Variants in CNST observed in about 807,000 individuals in gnomAD.
CNST encodes consortin, connexin sorting protein.
In CNST, 39 loss-of-function variants were observed where a neutral mutation model predicts 72.4. The ratio of observed to expected loss-of-function variants is 0.54; its 90% CI spans 0.42 to 0.70. CNST has a LOEUF of 0.70. Ranked by LOEUF, CNST falls within the 30% of genes least tolerant of loss-of-function variation. CNST has a pLI of 0.00. For missense variants in CNST, 871 were observed against 868.5 expected (o/e 1.00, Z -0.04); for synonymous variants, 332 against 320.1 (o/e 1.04, Z -0.40).
At chr1:246,568,947 T>C (rs140725601) in intron 1 of CNST, among the ~76,000 whole-genome samples, 121 of 152,310 alleles carry the variant, frequency 7.9e-4, no homozygotes, top group African/African-American at 2.6e-3. Flanking sequence ...TTGCCCAGGC[T>C]GGTCTCAAAT....
At chr1:246,589,389 T>G (rs1342787254) in intron 1 of CNST, among the ~76,000 whole-genome samples, 1 of 151,886 alleles carries the variant, frequency 6.6e-6, no homozygotes. Context: ...CTTGTGATAG[T>G]TTGCTGAGAA....
chr1:246,661,982 C>A (rs1285174909), intron 10 of CNST, among the ~76,000 whole-genome samples: 1 of 152,152 alleles, frequency 6.6e-6, no homozygotes, highest in East Asian at 1.9e-4. Flanking sequence ...ATAGGAGGAA[C>A]CCCGGATTTG....
chr1:246,662,300 G>A (rs2103171408), intron 10 of CNST, among the ~76,000 whole-genome samples: 1 of 152,264 alleles, frequency 6.6e-6, no homozygotes, highest in Admixed American at 6.5e-5. Flanking sequence ...CTATCCCCTG[G>A]AAATTAATGT....
At chr1:246,570,897 C>T (rs77096016) in intron 1 of CNST, among the ~76,000 whole-genome samples, 1,612 of 152,222 alleles carry the variant, frequency 0.011, 15 homozygotes, top group Non-Finnish European at 0.019. Context: ...GCATTATATG[C>T]TTAATGAGAA....
At position 246,647,830 on chromosome 1, in the gene CNST, A is replaced by G. The variant is rs143967085; in HGVS notation, c.1629A>G (p.Glu543=). 9.3e-6 allele frequency: 15 copies of G among 1,614,084 alleles called. No individual in the cohort carries two copies. The highest frequency in any genetic ancestry group is 9.3e-6 in the Non-Finnish European group (11 of 1,180,044). The change falls in exon 9 of 11, where the codon GAA becomes GAG. Residue 543 remains glutamate, a synonymous_variant. Coordinates refer to ENST00000366513, the MANE Select transcript of CNST (RefSeq NM_152609.3). ...KGDKDDQLNK[E]TEDYLNSLLE... ...ATAAAGACGACCAACTCAACAAAGAAACAGAAGACTATTTGAACAGCCTTT... is the reference window on the plus strand; with the variant it reads ...ATAAAGACGACCAACTCAACAAAGAGACAGAAGACTATTTGAACAGCCTTT...
At chr1:246,612,657 C>T (rs1236078005) in intron 2 of CNST, among the ~76,000 whole-genome samples, 5 of 152,120 alleles carry the variant, frequency 3.3e-5, no homozygotes, top group South Asian at 2.1e-4. Flanking sequence ...GAGGCCAAGG[C>T]GGGCAGATTG....
At chr1:246,615,330 C>T (rs1421441790) in intron 2 of CNST, among the ~76,000 whole-genome samples, 37 of 152,058 alleles carry the variant, frequency 2.4e-4, no homozygotes, top group Admixed American at 2.4e-3. Context: ...CGCGTGCCAC[C>T]AGGCCCGGCT....
chr1:246,582,763 C>T lies in CNST; in HGVS notation c.-51-8749C>T, dbSNP rs144397776. ...CCTTTTTATTTGGTCCTGTTTATTTCTTCTCTTGAGATTACCTCTCCATGC... is the reference window on the plus strand; with the variant it reads ...CCTTTTTATTTGGTCCTGTTTATTTTTTCTCTTGAGATTACCTCTCCATGC... On this transcript the variant is annotated intron_variant, in intron 1 of 10. Transcript: ENST00000366513. Among the ~76,000 whole-genome samples the T allele has an allele frequency of 3.3e-4, 51 of 152,294 alleles. No individual in the cohort carries two copies. The East Asian group carries it at 9.6e-3, about 29-fold the overall frequency.
intron 2 of CNST, among the ~76,000 whole-genome samples, chr1:246,612,604 A>G (rs1196934524): frequency 1.3e-5 from 2 of 152,190 alleles, no homozygotes; most frequent in African/African-American, 4.8e-5. Flanking sequence ...AAATCATAAC[A>G]GGTCAGGCGC....
intron 4 of CNST, chr1:246,632,600 G>A (rs1193477312): frequency 1.9e-5 from 3 of 160,780 alleles, no homozygotes; most frequent in African/African-American, 7.2e-5. Flanking sequence ...TGAACAGTGA[G>A]TTTTTCTCTT....
rs181568655 is a variant in CNST, at chr1:246,592,253, G to A, written c.379+312G>A. Among the ~76,000 whole-genome samples, 31 of 152,300 alleles carry A rather than the reference G, an allele frequency of 2.0e-4. No individual in the cohort carries two copies. The East Asian group carries it at 5.2e-3, about 26-fold the overall frequency. On this transcript the variant is annotated intron_variant, in intron 2 of 10. Transcript: ENST00000366513. ...CCTGTAATTAGCACTTTGGGAGGCCGAGGTGGGCGGATTACCTGAGGTCGG... is the reference window on the plus strand; with the variant it reads ...CCTGTAATTAGCACTTTGGGAGGCCAAGGTGGGCGGATTACCTGAGGTCGG...
Position 246,647,871 on chromosome 1 carries a change from A to G in CNST, c.1670A>G (p.Lys557Arg). ...AACAGCCTTTTAGAAGGATGTTTAA[A>G]AGATACTGAAGATTCCCTTTCCTAT... ...YLNSLLEGCL[K>R]DTEDSLSYED... The change falls in exon 9 of 11, where the codon AAA becomes AGA. Residue 557 changes from lysine (K) to arginine (R), a missense_variant. Transcript: ENST00000366513. 1 of 1,614,168 alleles carries G rather than the reference A, an allele frequency of 6.2e-7. No individual in the cohort carries two copies. Among genetic ancestry groups the G allele is most frequent in the Non-Finnish European group, 8.5e-7 (1 of 1,180,044 alleles).
intron 3 of CNST, among the ~76,000 whole-genome samples, chr1:246,624,658 A>C (rs983362616): frequency 6.6e-6 from 1 of 152,198 alleles, no homozygotes; most frequent in Non-Finnish European, 1.5e-5. Context: ...CCCAAGGGAC[A>C]CACAAATCAG....
Position 246,621,513 on chromosome 1 carries a change from C to T in CNST, c.464C>T (p.Ala155Val), listed in dbSNP as rs1664090645. 3 of 1,614,012 alleles carry T rather than the reference C, an allele frequency of 1.9e-6. No homozygotes were observed. Among genetic ancestry groups the T allele is most frequent in the South Asian group, 2.2e-5 (2 of 91,086 alleles). The change falls in exon 3 of 11, where the codon GCT (alanine) becomes GTT (valine). Residue 155 changes from alanine (A) to valine (V), a missense_variant. By Grantham distance (64) the Ala-to-Val change is moderately conservative. Transcript: ENST00000366513. ...TATGCTGTTGATGATGAAGAAGCTG[C>T]TGAAGTAAATGCTAATGAGCAGCCA... Reference protein sequence around the residue: ...VTYAVDDEEAAEVNANEQPEA... With the variant: ...VTYAVDDEEAVEVNANEQPEA...
intron 2 of CNST, among the ~76,000 whole-genome samples, chr1:246,597,875 G>C (rs929033999): frequency 6.6e-6 from 1 of 152,296 alleles, no homozygotes; most frequent in Admixed American, 6.5e-5. Flanking sequence ...ATTGTCCTTA[G>C]AATGAATGAC....
chr1:246,617,065 C>T (rs957064496), intron 2 of CNST, among the ~76,000 whole-genome samples: 1 of 152,114 alleles, frequency 6.6e-6, no homozygotes, highest in African/African-American at 2.4e-5. Context: ...CCTGATTATG[C>T]TAATGTTTAT....
At chr1:246,569,400 C>T (rs1430160266) in intron 1 of CNST, among the ~76,000 whole-genome samples, 1 of 152,096 alleles carries the variant, frequency 6.6e-6, no homozygotes, top group African/African-American at 2.4e-5. Context: ...TAAATGTTAC[C>T]TTACTGAGCA....
intron 6 of CNST, among the ~76,000 whole-genome samples, chr1:246,639,537 A>G (rs1273937282): frequency 6.6e-6 from 1 of 152,108 alleles, no homozygotes; most frequent in African/African-American, 2.4e-5. Flanking sequence ...GTGCTTTCTT[A>G]GGGGAGACCC....
chr1:246,571,607 TACTG>T (rs1295036757), intron 1 of CNST, among the ~76,000 whole-genome samples: 1 of 152,240 alleles, frequency 6.6e-6, no homozygotes, highest in Non-Finnish European at 1.5e-5. Flanking sequence ...CCTATGAAAA[TACTG>T]ACAAATCAAG....
Sources: allele counts gnomAD v4.1 joint callset (sites outside exome capture counted in the v4.1 genomes callset), GRCh38; gene constraint gnomAD v4.1.1; transcripts MANE v1.5; gene names NCBI Gene and HGNC (gene_info 2026-07-23, HGNC 2026-07-21).